The following CHODL variants were observed in gnomAD, a reference collection of about 807,000 sequenced individuals.
CHODL encodes the protein chondrolectin.
A neutral mutation model predicts 34.5 loss-of-function variants in CHODL; 29 were observed. The observed-to-expected ratio is 0.84, with a 90% CI of 0.63 to 1.15. CHODL has a LOEUF of 1.15. CHODL is among the 50% of genes most tolerant of loss of function. The probability of loss-of-function intolerance (pLI) is 0.00; values close to 1 mark genes in which losing one functional copy is unlikely to be tolerated. For synonymous variants in CHODL, 125 were observed against 116.1 expected, an observed-to-expected ratio of 1.08 and a Z score of -0.49; for missense variants, 332 against 332.5, an observed-to-expected ratio of 1.00 and a Z score of 0.01.
At chr21:18,100,979 C>A (rs948116685) in intron 2 of CHODL, among the ~76,000 whole-genome samples, 1 of 151,954 alleles carries the variant, frequency 6.6e-6, no homozygotes, top group Non-Finnish European at 1.5e-5. Flanking sequence ...AGAGATGGTT[C>A]TGTAAGTTTT....
intron 2 of CHODL, among the ~76,000 whole-genome samples, chr21:18,083,256 C>T (rs2064963948): frequency 6.6e-6 from 1 of 152,202 alleles, no homozygotes; most frequent in African/African-American, 2.4e-5. Context: ...TGTGGGTGCA[C>T]AGAAGGCAAG....
intron 2 of CHODL, among the ~76,000 whole-genome samples, chr21:18,098,012 C>CA (rs1207604565): frequency 2.0e-5 from 3 of 152,028 alleles, no homozygotes; most frequent in Admixed American, 1.3e-4. Flanking sequence ...ACTGGCTATG[C>CA]AAAAAATTGA....
chr21:18,025,205 T>C (rs2064162809), intron 1 of CHODL, among the ~76,000 whole-genome samples: 1 of 152,226 alleles, frequency 6.6e-6, no homozygotes, highest in Non-Finnish European at 1.5e-5. Flanking sequence ...TTATGTTTCT[T>C]CTAAAAAATT....
intron 1 of CHODL, among the ~76,000 whole-genome samples, chr21:18,018,879 A>G (rs2064101034): frequency 6.6e-6 from 1 of 152,192 alleles, no homozygotes. Context: ...ATACTCTCAG[A>G]TTTCCTGGAA....
chr21:18,105,546 G>T lies in CHODL; in HGVS notation c.-45+77575G>T, dbSNP rs557990352. 3.3e-5 allele frequency among the ~76,000 whole-genome samples: 5 copies of T among 152,258 alleles called. No homozygotes were observed. In the South Asian group the frequency reaches 8.3e-4, roughly 25 times the overall value. On this transcript the variant is annotated intron_variant, in intron 2 of 6. Coordinates refer to the CHODL transcript ENST00000400127. ...CTATCAAGAGTGCTTATAGGCCATG[G>T]ACCCACAGGGAAGTGGTAGCAGTGG...
intron 1 of CHODL, among the ~76,000 whole-genome samples, chr21:18,012,230 G>A (rs1261298028): frequency 1.3e-5 from 2 of 152,126 alleles, no homozygotes; most frequent in African/African-American, 4.8e-5. Flanking sequence ...TAAATGACAT[G>A]GTGATTTCTG....
intron 2 of CHODL, among the ~76,000 whole-genome samples, chr21:18,092,554 T>C (rs535406320): frequency 6.6e-6 from 1 of 152,206 alleles, no homozygotes; most frequent in Non-Finnish European, 1.5e-5. Flanking sequence ...TCAAAATAGC[T>C]GTGTTGAGGA....
intron 1 of CHODL, among the ~76,000 whole-genome samples, chr21:17,957,964 T>C (rs1020510276): frequency 6.6e-5 from 10 of 151,974 alleles, no homozygotes; most frequent in African/African-American, 2.2e-4. Context: ...GAGGGAAATG[T>C]CTTCATCAAT....
At chr21:17,932,854 C>G (rs547378246) in intron 1 of CHODL, among the ~76,000 whole-genome samples, 1 of 151,946 alleles carries the variant, frequency 6.6e-6, no homozygotes, top group Non-Finnish European at 1.5e-5. Context: ...GTTCAGCATA[C>G]GGAGGATCCC....
chr21:18,160,504 C>G (rs1423571411), intron 2 of CHODL, among the ~76,000 whole-genome samples: 1 of 152,010 alleles, frequency 6.6e-6, no homozygotes, highest in African/African-American at 2.4e-5. Flanking sequence ...CCTCCCCCTT[C>G]CAAAAGGCCC....
At position 18,031,244 on chromosome 21, in the gene CHODL, C is replaced by G. The variant is rs749576713; in HGVS notation, c.-45+3273C>G. On this transcript the variant is annotated intron_variant, in intron 2 of 6. Coordinates refer to the CHODL transcript ENST00000400127. Reference sequence around the variant, plus strand: ...TTCCCCTATCTGGAAAAGTTGTTCTCTCTTTGCCTAAAGATGTCATAAGTC... The same window carrying G: ...TTCCCCTATCTGGAAAAGTTGTTCTGTCTTTGCCTAAAGATGTCATAAGTC... Among the ~76,000 whole-genome samples, 92 of 152,116 alleles carry G rather than the reference C, an allele frequency of 6.0e-4. 1 individual carries two copies. Among genetic ancestry groups the G allele is most frequent in the Non-Finnish European group, 1.3e-3 (86 of 68,002 alleles).
At chr21:18,019,151 A>T (rs2064103895) in intron 1 of CHODL, among the ~76,000 whole-genome samples, 1 of 152,246 alleles carries the variant, frequency 6.6e-6, no homozygotes, top group Non-Finnish European at 1.5e-5. Flanking sequence ...ACATATTAAG[A>T]TATCAAAAAT....
intron 1 of CHODL, among the ~76,000 whole-genome samples, chr21:18,020,464 G>A (rs191711266): frequency 1.3e-5 from 2 of 152,192 alleles, no homozygotes; most frequent in African/African-American, 4.8e-5. Flanking sequence ...ATATTTAATT[G>A]CTATCCATCA....
At chr21:17,946,245 G>A (rs905664563) in intron 1 of CHODL, among the ~76,000 whole-genome samples, 9 of 152,184 alleles carry the variant, frequency 5.9e-5, no homozygotes, top group African/African-American at 1.4e-4. Context: ...GTGAAACCCC[G>A]TCTCTACTAA....
chr21:17,937,777 A>G (rs759430011), intron 1 of CHODL, among the ~76,000 whole-genome samples: 3 of 152,102 alleles, frequency 2.0e-5, no homozygotes, highest in African/African-American at 4.8e-5. Flanking sequence ...TTATTGGTGA[A>G]AAAGTTATCT....
At chr21:18,051,227 G>C (rs2064511645) in intron 2 of CHODL, among the ~76,000 whole-genome samples, 1 of 151,804 alleles carries the variant, frequency 6.6e-6, no homozygotes, top group South Asian at 2.1e-4. Context: ...ATGGTTTCCA[G>C]CTTCATCCAT....
intron 2 of CHODL, among the ~76,000 whole-genome samples, chr21:18,225,420 A>G (rs2073922208): frequency 6.6e-6 from 1 of 152,160 alleles, no homozygotes; most frequent in African/African-American, 2.4e-5. Context: ...CCATTAGAAA[A>G]AAATCTGATA....
chr21:18,195,037 T>TTA (rs977837724), intron 2 of CHODL, among the ~76,000 whole-genome samples: 8 of 145,780 alleles, frequency 5.5e-5, no homozygotes, highest in Non-Finnish European at 1.1e-4. Flanking sequence ...CATTATTTAT[T>TTA]TATTTATTTA....
At chr21:18,100,110 A>AG (rs1398678473) in intron 2 of CHODL, 1 of 152,192 alleles carries the variant, frequency 6.6e-6, no homozygotes, top group Non-Finnish European at 1.5e-5. Flanking sequence ...AAGTTACATA[A>AG]GAGAAGAAAA....
Sources: gnomAD v4.1 joint callset for allele counts (sites outside exome capture counted in the v4.1 genomes callset) on GRCh38, gnomAD v4.1.1 for gene constraint, MANE v1.5 for transcripts, NCBI Gene and HGNC (gene_info 2026-07-23, HGNC 2026-07-21) for gene names.